Variants in FOXP2 observed in about 807,000 individuals in gnomAD.
The protein encoded by FOXP2 is forkhead box P2, also known as forkhead box protein P2.
A neutral mutation model predicts 115.8 loss-of-function variants in FOXP2; 12 were observed. The observed-to-expected ratio is 0.10, with a 90% CI of 0.07 to 0.17. The LOEUF is 0.17. FOXP2 is among the 10% of genes least tolerant of loss of function. The pLI is 1.00. For synonymous variants in FOXP2, 328 were observed against 297.7 expected, an observed-to-expected ratio of 1.10 and a Z score of -1.05; for missense variants, 629 against 843.5, an observed-to-expected ratio of 0.75 and a Z score of 3.15.
At chr7:114,471,615 T>C (rs1005456146) in intron 2 of FOXP2, among the ~76,000 whole-genome samples, 3 of 152,114 alleles carry the variant, frequency 2.0e-5, no homozygotes, top group Admixed American at 6.6e-5. Context: ...TTACCACTTA[T>C]ATTGTGGTTC....
intron 1 of FOXP2, among the ~76,000 whole-genome samples, chr7:114,153,181 G>T (rs1251257344): frequency 1.3e-5 from 2 of 152,048 alleles, no homozygotes; most frequent in African/African-American, 4.8e-5. Flanking sequence ...ACACAATTAG[G>T]TTAAAGAAAG....
At chr7:114,143,526 C>T (rs1390549537) in intron 1 of FOXP2, among the ~76,000 whole-genome samples, 1 of 151,974 alleles carries the variant, frequency 6.6e-6, no homozygotes, top group Non-Finnish European at 1.5e-5. Context: ...AATTTCAATA[C>T]AGATTGTTAG....
intron 2 of FOXP2, among the ~76,000 whole-genome samples, chr7:114,435,920 A>G (rs1359930129): frequency 6.6e-6 from 1 of 152,166 alleles, no homozygotes; most frequent in Non-Finnish European, 1.5e-5. Context: ...GCAGATTTAT[A>G]TTTTTGAAAT....
intron 2 of FOXP2, among the ~76,000 whole-genome samples, chr7:114,470,724 A>T (rs1482003397): frequency 6.6e-6 from 1 of 152,118 alleles, no homozygotes; most frequent in Non-Finnish European, 1.5e-5. Flanking sequence ...ACTTTTTATT[A>T]TACCCAACAC....
intron 1 of FOXP2, 60 bp from the exon 2 acceptor site, chr7:114,426,442 T>C: frequency 6.6e-7 from 1 of 1,520,070 alleles, no homozygotes; most frequent in Non-Finnish European, 9.1e-7. Flanking sequence ...GAGGGACATC[T>C]TGATAATGGA....
Position 114,254,413 on chromosome 7 carries a change from G to A in FOXP2, c.-101-33606G>A, listed in dbSNP as rs559046559. 3.1e-4 allele frequency among the ~76,000 whole-genome samples: 47 copies of A among 152,226 alleles called. 1 individual carries two copies. In the South Asian group the frequency reaches 8.9e-3, roughly 29 times the overall value. ...TTTCCAACTTGGTTCCATTCTCCCC[G>A]TCACTTTCAGGTACACCAATCAGAC... On this transcript the variant is annotated intron_variant, in intron 1 of 17. Coordinates refer to the FOXP2 transcript ENST00000634411.
chr7:114,102,941 C>T (rs983012855), intron 1 of FOXP2, among the ~76,000 whole-genome samples: 1 of 151,964 alleles, frequency 6.6e-6, no homozygotes, highest in Non-Finnish European at 1.5e-5. Context: ...AAGAAATTAT[C>T]AGTAAGTAAA....
intron 3 of FOXP2, among the ~76,000 whole-genome samples, chr7:114,622,616 T>C (rs1295387373): frequency 1.3e-5 from 2 of 151,968 alleles, no homozygotes; most frequent in Non-Finnish European, 2.9e-5. Flanking sequence ...CATCAATCTA[T>C]GAGAGTGCCT....
intron 2 of FOXP2, among the ~76,000 whole-genome samples, chr7:114,299,396 GGAAACTGATCCCATATCTAGTTCCAAGA>G (rs1418990608): frequency 2.0e-5 from 3 of 151,768 alleles, no homozygotes; most frequent in African/African-American, 7.3e-5. Flanking sequence ...ATACTTCATG[GGAAACTGATCCCATATCTAGTTCCAAGA>G]GGTGGATCCT....
At position 114,403,915 on chromosome 7, in the gene FOXP2, G is replaced by A. The variant is rs528164501; in HGVS notation, c.-10-22587G>A. ...CCAAAATACCTCATACCTCTTACTT[G>A]CCAGTATAGTTTATTATTCAGCAAC... On this transcript the variant is annotated intron_variant, in intron 2 of 17. Transcript: ENST00000634411. 4.6e-5 allele frequency among the ~76,000 whole-genome samples: 7 copies of A among 152,220 alleles called. No individual in the cohort carries two copies. In the East Asian group the frequency reaches 9.6e-4, roughly 21 times the overall value.
At chr7:114,273,953 C>G (rs1028596622) in intron 1 of FOXP2, among the ~76,000 whole-genome samples, 4 of 151,884 alleles carry the variant, frequency 2.6e-5, no homozygotes, top group Non-Finnish European at 5.9e-5. Context: ...TAATATCTAC[C>G]ATATTTATTA....
intron 3 of FOXP2, among the ~76,000 whole-genome samples, chr7:114,541,744 C>G (rs990186013): frequency 6.6e-6 from 1 of 150,992 alleles, no homozygotes; most frequent in Admixed American, 6.7e-5. Context: ...AAGAACTTTG[C>G]TATCTAGGAG....
At chr7:114,228,306 A>C (rs1402677220) in intron 1 of FOXP2, among the ~76,000 whole-genome samples, 2 of 151,956 alleles carry the variant, frequency 1.3e-5, no homozygotes. Context: ...AGAACAGAAA[A>C]AGCTTTAACA....
chr7:114,631,709 C>T lies in FOXP2; in HGVS notation c.775+4C>T. ...CCTGTCCAATCGCTGCCTCAAGGTACATACAAAATGTTGTGCACTCTTCAT... is the reference window on the plus strand; with the variant it reads ...CCTGTCCAATCGCTGCCTCAAGGTATATACAAAATGTTGTGCACTCTTCAT... On this transcript the variant is annotated splice_donor_region_variant and intron_variant, in intron 6 of 16. Transcript: ENST00000350908. 1.9e-6 allele frequency: 3 copies of T among 1,613,812 alleles called. No individual in the cohort carries two copies. Among genetic ancestry groups the T allele is most frequent in the Non-Finnish European group, 2.5e-6 (3 of 1,179,794 alleles).
intron 2 of FOXP2, among the ~76,000 whole-genome samples, chr7:114,313,177 C>G (rs927496507): frequency 6.6e-6 from 1 of 152,176 alleles, no homozygotes; most frequent in Admixed American, 6.5e-5. Flanking sequence ...GGGTTACATT[C>G]TGTGTCTGAA....
chr7:114,559,793 T>G (rs186785891), intron 3 of FOXP2, among the ~76,000 whole-genome samples: 593 of 150,494 alleles, frequency 3.9e-3, no homozygotes, highest in Non-Finnish European at 6.1e-3. Flanking sequence ...GGAGGCTGAG[T>G]CAGGAGAATG....
chr7:114,296,263 T>G (rs1796739404), intron 2 of FOXP2, among the ~76,000 whole-genome samples: 1 of 152,198 alleles, frequency 6.6e-6, no homozygotes, highest in Admixed American at 6.5e-5. Flanking sequence ...GATGATTTTT[T>G]TTTCTTTCTC....
chr7:114,397,471 C>A (rs1350841474), intron 2 of FOXP2, among the ~76,000 whole-genome samples: 1 of 152,038 alleles, frequency 6.6e-6, no homozygotes, highest in Non-Finnish European at 1.5e-5. Flanking sequence ...GATGGAGGAG[C>A]TCCTTCATAC....
chr7:114,328,687 T>G (rs939925240), intron 2 of FOXP2, among the ~76,000 whole-genome samples: 1 of 152,144 alleles, frequency 6.6e-6, no homozygotes, highest in Non-Finnish European at 1.5e-5. Context: ...TATATAAGGG[T>G]CTCTAATCAT....
Sources: allele counts gnomAD v4.1 joint callset (sites outside exome capture counted in the v4.1 genomes callset), GRCh38; gene constraint gnomAD v4.1.1; transcripts MANE v1.5; gene names NCBI Gene and HGNC (gene_info 2026-07-23, HGNC 2026-07-21).